Variants in RBFOX3 observed in about 807,000 individuals in gnomAD.
The protein encoded by RBFOX3 is RNA binding protein fox-1 homolog 3.
RBFOX3 carries 17 observed loss-of-function variants against 48.7 expected under a neutral mutation model. The ratio of observed to expected loss-of-function variants is 0.35; its 90% CI spans 0.24 to 0.52. The LOEUF (loss-of-function observed/expected upper bound fraction) is 0.52. Among genes scored for constraint, RBFOX3 ranks in the 20% least tolerant of loss-of-function variants. The pLI is 0.94. For missense variants in RBFOX3, 382 were observed against 497.5 expected (o/e 0.77, Z 2.21); for synonymous variants, 212 against 209.5 (o/e 1.01, Z -0.10).
intron 1 of RBFOX3, among the ~76,000 whole-genome samples, chr17:79,594,057 C>T (rs2093499024): frequency 6.6e-6 from 1 of 152,174 alleles, no homozygotes; most frequent in African/African-American, 2.4e-5. Context: ...GAACCTGCCT[C>T]TGTCTGACTC....
rs59080195 is a variant in RBFOX3, at chr17:79,242,435, G to A, written c.-73-6630C>T. 5.3e-5 allele frequency among the ~76,000 whole-genome samples: 8 copies of A among 152,202 alleles called. No homozygotes were observed. The East Asian group carries it at 1.5e-3, about 29-fold the overall frequency. On this transcript the variant is annotated intron_variant, in intron 3 of 14. Coordinates refer to ENST00000693108, the MANE Select transcript of RBFOX3 (RefSeq NM_001350451.2). This position sits in a 1 kb window ranked among gnomAD's most constrained non-coding sequence, Gnocchi z 5.8. ...AATTATAAAAAATCAACTGTGGGTG[G>A]CTTAAACCTGGCTTGTGATGACGGT...
upstream of RBFOX3, among the ~76,000 whole-genome samples, chr17:79,611,492 T>C (rs2145582767): frequency 6.6e-6 from 1 of 151,962 alleles, no homozygotes; most frequent in African/African-American, 2.4e-5. Context: ...CCCTGGTCCC[T>C]TCAAGGGCAG....
At chr17:79,351,982 G>A (rs1428002725) in intron 2 of RBFOX3, among the ~76,000 whole-genome samples, 1 of 152,084 alleles carries the variant, frequency 6.6e-6, no homozygotes, top group African/African-American at 2.4e-5. Flanking sequence ...GATCTTAGAG[G>A]CCTGTGAACC....
intron 3 of RBFOX3, among the ~76,000 whole-genome samples, chr17:79,286,353 A>T (rs1375186567): frequency 1.3e-5 from 2 of 152,138 alleles, no homozygotes; most frequent in Non-Finnish European, 2.9e-5. Flanking sequence ...CCCGGCTGCC[A>T]TCTGCAGTTC....
Position 79,172,083 on chromosome 17 carries a change from A to C in RBFOX3, c.-33-56335T>G, listed in dbSNP as rs182622384. The stretch of plus-strand genomic sequence containing the variant: ...CAGCTACTCGGGAGGCTGAGGCATG[A>C]GAATTGCCTGAACCCGGGAGGTGGA... On this transcript the variant is annotated intron_variant, in intron 4 of 14. Transcript: ENST00000693108. Among the ~76,000 whole-genome samples, 37 of 148,254 alleles carry C rather than the reference A, an allele frequency of 2.5e-4. No homozygotes were observed. In the East Asian group the frequency reaches 7.6e-3, roughly 30 times the overall value.
intron 4 of RBFOX3, among the ~76,000 whole-genome samples, chr17:79,209,996 CAA>C (rs11452185): frequency 8.3e-5 from 11 of 132,920 alleles, no homozygotes; most frequent in African/African-American, 8.5e-5. Flanking sequence ...GACTCCATCT[CAA>C]AAAAAAAAAA....
rs545081835 is a variant in RBFOX3 at position 79,280,149 on chromosome 17, G to A, written c.-74+27575C>T. 5.4e-3 allele frequency among the ~76,000 whole-genome samples: 628 copies of A among 116,354 alleles called. 3 individuals carry two copies. The highest frequency in any genetic ancestry group is 7.9e-3 in the Non-Finnish European group (438 of 55,482). The allele number at this position is 116,354 out of a possible 152,430, so 76.3% of individuals were successfully genotyped here. A position where few individuals can be genotyped will look rare whatever the true frequency, so the allele number is the denominator to read the frequency against. On this transcript the variant is annotated intron_variant, in intron 3 of 14. Transcript: ENST00000693108. ...GCACATACATGTCACACACATGTGC[G>A]TGCACACACACACGCACACACCACT...
At chr17:79,130,252 C>T (rs189513986) in intron 4 of RBFOX3, among the ~76,000 whole-genome samples, 2 of 152,294 alleles carry the variant, frequency 1.3e-5, no homozygotes, top group East Asian at 1.9e-4. Flanking sequence ...CCCCTTCCCC[C>T]CCGACTTCTC....
At chr17:79,293,411 CCTTCCTTCCTT>C (rs2073742866) in intron 3 of RBFOX3, among the ~76,000 whole-genome samples, 2 of 3,332 alleles carry the variant, frequency 6.0e-4, no homozygotes, top group Non-Finnish European at 5.3e-4. Context: ...CCCCTCCACC[CCTTCCTTCCTT>C]CCTTCCTTCC....
At chr17:79,106,053 C>G (rs920392536) in intron 6 of RBFOX3, among the ~76,000 whole-genome samples, 1 of 152,246 alleles carries the variant, frequency 6.6e-6, no homozygotes, top group African/African-American at 2.4e-5. Context: ...CAGTGCAAAA[C>G]CCGGAACAGG....
chr17:79,530,629 C>A (rs1286057776), intron 1 of RBFOX3, among the ~76,000 whole-genome samples: 6 of 152,054 alleles, frequency 3.9e-5, no homozygotes, highest in Admixed American at 3.9e-4. Context: ...CCTTGATCAG[C>A]GCCAGCCTGT....
rs1287288926 is a variant in RBFOX3 at position 79,254,657 on chromosome 17, A to C, written c.-73-18852T>G. ...CTTATGCCACCAGGGGCCACTTCTG[A>C]GCCCTCTTGGCGATTCGTATACTTG... On this transcript the variant is annotated intron_variant, in intron 3 of 14. Transcript: ENST00000693108. This position sits in a 1 kb window ranked among gnomAD's most constrained non-coding sequence, Gnocchi z 4.8. 1.3e-5 allele frequency among the ~76,000 whole-genome samples: 2 copies of C among 152,094 alleles called. No homozygotes were observed. Among genetic ancestry groups the C allele is most frequent in the African/African-American group, 4.8e-5 (2 of 41,414 alleles).
chr17:79,389,423 G>A (rs151111169), intron 2 of RBFOX3, among the ~76,000 whole-genome samples: 89 of 152,324 alleles, frequency 5.8e-4, no homozygotes, highest in Admixed American at 1.8e-3. Context: ...CAGCTGGTTC[G>A]TACTTTTCAG....
chr17:79,557,725 T>C (rs1377567219), intron 1 of RBFOX3, among the ~76,000 whole-genome samples: 1 of 152,194 alleles, frequency 6.6e-6, no homozygotes, highest in Non-Finnish European at 1.5e-5. Flanking sequence ...TGGACAGCCA[T>C]AAACAAAGGC....
chr17:79,311,446 A>G lies in RBFOX3; in HGVS notation c.-174-3622T>C, dbSNP rs1209078058. On this transcript the variant is annotated intron_variant, in intron 2 of 14. Coordinates refer to ENST00000693108, the MANE Select transcript of RBFOX3 (RefSeq NM_001350451.2). The surrounding 1 kb of genome is among the most constrained non-coding windows in gnomAD (Gnocchi z 4.2). Reference sequence around the variant, plus strand: ...GAGACTCCATCTCCAAAAAAAAAAAAAAAAAAAACAGACTGCAGCACCAAT... The same window carrying G: ...GAGACTCCATCTCCAAAAAAAAAAAGAAAAAAAACAGACTGCAGCACCAAT... Among the ~76,000 whole-genome samples the G allele has an allele frequency of 6.6e-6, 1 of 151,874 alleles. No homozygotes were observed. The highest frequency in any genetic ancestry group is 2.4e-5 in the African/African-American group (1 of 41,322).
At chr17:79,586,331 A>G (rs2093248725) in intron 1 of RBFOX3, among the ~76,000 whole-genome samples, 1 of 152,168 alleles carries the variant, frequency 6.6e-6, no homozygotes, top group Non-Finnish European at 1.5e-5. Context: ...GACCTGTCTC[A>G]AGTCCAGCGG....
chr17:79,646,760 C>G, the RBFOX3 span, among the ~76,000 whole-genome samples: 13 of 152,316 alleles, frequency 8.5e-5, 1 homozygote, highest in East Asian at 2.1e-3. Context: ...ACCCCAATAT[C>G]TCTCCTGTCT....
chr17:79,457,137 C>T (rs2074636976), intron 2 of RBFOX3, among the ~76,000 whole-genome samples: 2 of 152,224 alleles, frequency 1.3e-5, no homozygotes, highest in African/African-American at 4.8e-5. Flanking sequence ...GGGGGCATGG[C>T]TGCCCTACTT....
intron 4 of RBFOX3, among the ~76,000 whole-genome samples, chr17:79,208,132 C>T (rs2057780320): frequency 6.6e-6 from 1 of 152,148 alleles, no homozygotes; most frequent in South Asian, 2.1e-4. Flanking sequence ...CCTCTCCCCT[C>T]TGTTGGTAGA....
Sources: allele counts gnomAD v4.1 joint callset (sites outside exome capture counted in the v4.1 genomes callset), GRCh38; gene constraint gnomAD v4.1.1; non-coding constraint Gnocchi (gnomAD v3.1); transcripts MANE v1.5; gene names NCBI Gene and HGNC (gene_info 2026-07-23, HGNC 2026-07-21).